OOSP4B: variants seen among roughly 807,000 people sequenced by gnomAD.
OOSP4B encodes the protein oocyte-secreted protein 4B.
At chr11:60,022,587 G>A (rs764786382) in intron 1 of OOSP4B, among the ~76,000 whole-genome samples, 16 of 152,100 alleles carry the variant, frequency 1.1e-4, no homozygotes, top group Non-Finnish European at 2.1e-4. Flanking sequence ...AACATTTTAC[G>A]GAAGACAGAG....
At chr11:60,028,963 C>T (rs985963196) in intron 3 of OOSP4B, among the ~76,000 whole-genome samples, 3 of 145,920 alleles carry the variant, frequency 2.1e-5, no homozygotes, top group African/African-American at 5.1e-5. Context: ...ACTATATTGC[C>T]GTCTATATAG....
chr11:60,023,864 AT>A lies in OOSP4B; in HGVS notation c.23-8del, dbSNP rs913308898. On this transcript the variant is annotated splice_polypyrimidine_tract_variant and intron_variant, in intron 1 of 4. Coordinates refer to ENST00000642343, the Ensembl canonical transcript of OOSP4B. ...AGTATACTACCATATTACTTTTTGG[AT>A]TTTTTTTCTTTTAGCAATAACTGCA... 1.3e-5 allele frequency: 5 copies of A among 398,084 alleles called. No individual in the cohort carries two copies. Among genetic ancestry groups the A allele is most frequent in the African/African-American group, 2.1e-5 (1 of 48,484 alleles). The allele number at this position is 398,084 out of a possible 1,614,324, so 24.7% of individuals were successfully genotyped here. A position where few individuals can be genotyped will look rare whatever the true frequency, so the allele number is the denominator to read the frequency against.
chr11:60,025,641 T>C (rs1184380636), intron 3 of OOSP4B, among the ~76,000 whole-genome samples: 1 of 152,220 alleles, frequency 6.6e-6, no homozygotes, highest in Non-Finnish European at 1.5e-5. Flanking sequence ...TATATTTCAT[T>C]AGATACGTAT....
At chr11:60,019,878 C>T (rs1854671108) in intron 1 of OOSP4B, among the ~76,000 whole-genome samples, 2 of 152,174 alleles carry the variant, frequency 1.3e-5, no homozygotes, top group Admixed American at 6.5e-5. Context: ...TTACAGAGAG[C>T]TGACTGGTCC....
chr11:60,017,334 G>A, exon 1 of OOSP4B: 1 of 398,654 alleles, frequency 2.5e-6, no homozygotes, highest in Non-Finnish European at 4.4e-6. Context: ...AGCACTCAAG[G>A]AACCCCCAGC....
rs373623269 is a variant in OOSP4B at position 60,020,659 on chromosome 11, G to A, written c.23-3221G>A. 4.3e-4 allele frequency among the ~76,000 whole-genome samples: 65 copies of A among 152,360 alleles called. No individual in the cohort carries two copies. In the East Asian group the frequency reaches 0.012, roughly 29 times the overall value. ...CTGGCCTTGGCCAGCCCAGAAAGGG[G>A]CTCCCACAGTGCAGCGGCGGGCTAA... On this transcript the variant is annotated intron_variant, in intron 1 of 4. Coordinates refer to ENST00000642343, the Ensembl canonical transcript of OOSP4B.
At chr11:60,019,041 A>AC (rs1251489077) in intron 1 of OOSP4B, among the ~76,000 whole-genome samples, 1 of 152,028 alleles carries the variant, frequency 6.6e-6, no homozygotes, top group Non-Finnish European at 1.5e-5. Context: ...ATATGGCGAA[A>AC]CCCCGTCTCT....
intron 1 of OOSP4B, among the ~76,000 whole-genome samples, 159 bp from the exon 2 acceptor site, chr11:60,023,721 A>G (rs1394195545): frequency 6.6e-6 from 1 of 152,254 alleles, no homozygotes; most frequent in Non-Finnish European, 1.5e-5. Context: ...GGCATGAGCC[A>G]CTGTGCCTGG....
chr11:60,018,659 T>TG (rs930948738), intron 1 of OOSP4B, among the ~76,000 whole-genome samples: 7 of 152,202 alleles, frequency 4.6e-5, no homozygotes, highest in Non-Finnish European at 1.0e-4. Flanking sequence ...ATAAGATTTG[T>TG]GGGGGGCTAC....
intron 1 of OOSP4B, among the ~76,000 whole-genome samples, chr11:60,019,807 T>G (rs1388976695): frequency 3.9e-5 from 6 of 152,238 alleles, no homozygotes; most frequent in Admixed American, 3.9e-4. Context: ...CAGTGCTGGT[T>G]CAGGCAGCCT....
chr11:60,020,352 G>A (rs987718874), intron 1 of OOSP4B, among the ~76,000 whole-genome samples: 20 of 152,304 alleles, frequency 1.3e-4, no homozygotes, highest in Middle Eastern at 3.4e-3. Flanking sequence ...AGGAGCCCAC[G>A]GTGGGGGAGG....
At chr11:60,024,173 G>A in intron 2 of OOSP4B, 112 bp downstream of exon 2, 1 of 396,134 alleles carries the variant, frequency 2.5e-6, no homozygotes, top group Middle Eastern at 6.3e-4. Flanking sequence ...CCTATCTCTT[G>A]CAGTGATCAA....
chr11:60,020,212 C>CG (rs997359210), intron 1 of OOSP4B, among the ~76,000 whole-genome samples: 1 of 152,062 alleles, frequency 6.6e-6, no homozygotes, highest in African/African-American at 2.4e-5. Context: ...GATCCCATAC[C>CG]GGGGCTGCAG....
At chr11:60,023,026 A>T (rs1018556250) in intron 1 of OOSP4B, among the ~76,000 whole-genome samples, 2 of 152,328 alleles carry the variant, frequency 1.3e-5, no homozygotes, top group African/African-American at 2.4e-5. Context: ...ACCTTAATAA[A>T]CATTAATTGA....
At chr11:60,023,273 A>G (rs1018322185) in intron 1 of OOSP4B, among the ~76,000 whole-genome samples, 3 of 152,256 alleles carry the variant, frequency 2.0e-5, no homozygotes, top group Admixed American at 6.5e-5. Context: ...AGTGTGGCCA[A>G]TTTGAATTGT....
chr11:60,020,114 C>T (rs564599558), intron 1 of OOSP4B, among the ~76,000 whole-genome samples: 6 of 152,336 alleles, frequency 3.9e-5, no homozygotes, highest in Admixed American at 1.3e-4. Flanking sequence ...TACAGAGTGC[C>T]GATTGGTGTA....
chr11:60,025,055 A>G, intron 3 of OOSP4B, 50 bp downstream of exon 3: 1 of 397,850 alleles, frequency 2.5e-6, no homozygotes, highest in Middle Eastern at 6.3e-4. Context: ...TATTTGGTTG[A>G]TAGATGTTTC....
At chr11:60,024,881 T>C (rs1854730959) in intron 2 of OOSP4B, 27 bp from the exon 3 acceptor site, 1 of 398,124 alleles carries the variant, frequency 2.5e-6, no homozygotes, top group South Asian at 1.3e-4. Flanking sequence ...TAATGCCTTC[T>C]AGTATTAAAA....
intron 1 of OOSP4B, among the ~76,000 whole-genome samples, chr11:60,022,562 G>T (rs2134624666): frequency 6.6e-6 from 1 of 152,234 alleles, no homozygotes; most frequent in Middle Eastern, 3.4e-3. Flanking sequence ...GCCAAATAAG[G>T]CTCATTCTAA....
Sources: gnomAD v4.1 joint callset for allele counts (sites outside exome capture counted in the v4.1 genomes callset) on GRCh38, gnomAD v4.1.1 for gene constraint, MANE v1.5 for transcripts, NCBI Gene and HGNC (gene_info 2026-07-23, HGNC 2026-07-21) for gene names.